ZNF878: variants seen among roughly 807,000 people sequenced by gnomAD.
ZNF878 encodes zinc finger protein 878.
In ZNF878, 10 loss-of-function variants were observed where a neutral mutation model predicts 11.1. The ratio of observed to expected loss-of-function variants is 0.90; its 90% CI spans 0.56 to 1.53. The LOEUF (loss-of-function observed/expected upper bound fraction) is 1.53. Ranked by LOEUF, ZNF878 falls within the 40% of genes most tolerant of loss-of-function variation. The probability of loss-of-function intolerance (pLI) is 0.00; values close to 1 mark genes in which losing one functional copy is unlikely to be tolerated. For missense variants in ZNF878, 548 were observed against 626.1 expected (o/e 0.88, Z 1.33); for synonymous variants, 165 against 209.7 (o/e 0.79, Z 1.84).
Position 12,043,911 on chromosome 19 carries a change from T to G in ZNF878, c.1490A>C (p.His497Pro), listed in dbSNP as rs779859071. ...TTTCTCTCCAGTATGAATCCTTTCA[T>G]GGTAGAGAAAAGAGTTGGAAGAAAT... Reference protein sequence around the residue: ...AFISSNSFLYHERIHTGEKPY... With the variant: ...AFISSNSFLYPERIHTGEKPY... The change falls in exon 4 of 4, where the codon CAT becomes CCT. Residue 497 changes from histidine (H) to proline (P), a missense_variant. Coordinates refer to ENST00000547628, the MANE Select transcript of ZNF878 (RefSeq NM_001080404.3). 1 of 1,614,152 alleles carries G rather than the reference T, an allele frequency of 6.2e-7. No homozygotes were observed. The highest frequency in any genetic ancestry group is 1.1e-5 in the South Asian group (1 of 91,072).
Position 12,043,858 on chromosome 19 carries a change from C to G in ZNF878, c.1543G>C (p.Ala515Pro). Residue 515 changes from alanine to proline, a missense_variant, in exon 4 of 4, where the codon GCC becomes CCC. Coordinates refer to ENST00000547628, the MANE Select transcript of ZNF878 (RefSeq NM_001080404.3). ...TGAAGGATTGAGGCAGATCTAAAGG[C>G]TTTACCACATTGCTTACACTCATAG... The part of the protein sequence containing the change: ...KPYECKQCGK[A>P]FRSASILQKH... 1 of 1,613,510 alleles carries G rather than the reference C, an allele frequency of 6.2e-7. No homozygotes were observed. Among genetic ancestry groups the G allele is most frequent in the Non-Finnish European group, 8.5e-7 (1 of 1,179,822 alleles).
chr19:12,052,034 A>T (rs911818808), intron 1 of ZNF878, among the ~76,000 whole-genome samples: 2 of 152,204 alleles, frequency 1.3e-5, no homozygotes, highest in Non-Finnish European at 1.5e-5. Context: ...AAAGCTTTAC[A>T]CACTCTCAAC....
intron 1 of ZNF878, among the ~76,000 whole-genome samples, chr19:12,048,989 AAAAATTAGCT>A (rs1975523399): frequency 1.3e-5 from 2 of 151,840 alleles, no homozygotes; most frequent in Admixed American, 1.3e-4. Flanking sequence ...CTAAAAATAT[AAAAATTAGCT>A]GGGTGTGGTG....
intron 1 of ZNF878, among the ~76,000 whole-genome samples, chr19:12,048,652 G>A (rs1254726260): frequency 6.7e-6 from 1 of 149,452 alleles, no homozygotes; most frequent in Non-Finnish European, 1.5e-5. Context: ...TGGCCAACCA[G>A]GTGAAACCAC....
At chr19:12,050,846 G>A (rs556761891) in intron 1 of ZNF878, among the ~76,000 whole-genome samples, 5 of 146,840 alleles carry the variant, frequency 3.4e-5, no homozygotes, top group East Asian at 2.1e-4. Flanking sequence ...TGTAATCCCA[G>A]CACTTTGGAA....
At chr19:12,049,302 A>G (rs1975527160) in intron 1 of ZNF878, among the ~76,000 whole-genome samples, 1 of 150,584 alleles carries the variant, frequency 6.6e-6, no homozygotes, top group Non-Finnish European at 1.5e-5. Flanking sequence ...CTCTACTAAA[A>G]ATACAAAAAT....
At chr19:12,047,739 C>T (rs1419309121) in intron 1 of ZNF878, among the ~76,000 whole-genome samples, 1 of 152,064 alleles carries the variant, frequency 6.6e-6, no homozygotes, top group East Asian at 1.9e-4. Flanking sequence ...GGGCAGATCA[C>T]CTGATGTCAG....
At position 12,052,960 on chromosome 19, in the gene ZNF878, G is replaced by A; in HGVS notation, c.-159C>T. The A allele has an allele frequency of 7.5e-7, 1 of 1,333,344 alleles. No homozygotes were observed. Among genetic ancestry groups the A allele is most frequent in the Non-Finnish European group, 1.0e-6 (1 of 986,700 alleles). The allele number at this position is 1,333,344 out of a possible 1,614,324, so 82.6% of individuals were successfully genotyped here. On this transcript the variant is annotated 5_prime_UTR_variant, in exon 1 of 4. Transcript: ENST00000547628. ...TTAACTAGCGCGAGCAGCCCTAGGA[G>A]TGAAGAGAGCGGGAATGCAACCTCC...
rs1261054332 is a variant in ZNF878 at position 12,044,257 on chromosome 19, A to C, written c.1144T>G (p.Phe382Val). Reference protein sequence around the residue: ...CGKTFTSSNSFHYHERTHTGE... With the variant: ...CGKTFTSSNSVHYHERTHTGE... ...GTGTGAGTCCTTTCATGATAGTGAAAGGAATTGGAAGAAGTGAAGGTTTTC... is the reference window on the plus strand; with the variant it reads ...GTGTGAGTCCTTTCATGATAGTGAACGGAATTGGAAGAAGTGAAGGTTTTC... The change falls in exon 4 of 4, where the codon TTT becomes GTT. Residue 382 changes from phenylalanine (F) to valine (V), a missense_variant. Physicochemically the swap from Phe to Val is conservative, Grantham distance 50 (BLOSUM62 -1). Around this residue, in one of 3 missense-constraint regions of ZNF878, gnomAD observed 335 missense variants for 358.2 expected, o/e 0.94. Coordinates refer to ENST00000547628, the MANE Select transcript of ZNF878 (RefSeq NM_001080404.3). 1.9e-6 allele frequency: 3 copies of C among 1,613,198 alleles called. No individual in the cohort carries two copies. The highest frequency in any genetic ancestry group is 2.5e-6 in the Non-Finnish European group (3 of 1,179,858).
chr19:12,051,131 A>C (rs1975547578), intron 1 of ZNF878, among the ~76,000 whole-genome samples: 1 of 147,206 alleles, frequency 6.8e-6, no homozygotes, highest in Non-Finnish European at 1.5e-5. Context: ...AAAGAAAAGA[A>C]ATTAAAACCC....
chr19:12,045,349 A>G (rs1975463744), intron 3 of ZNF878, 140 bp from the exon 4 acceptor site: 1 of 759,342 alleles, frequency 1.3e-6, no homozygotes, highest in Admixed American at 3.0e-5. Flanking sequence ...CACATGCTAT[A>G]CAAGATGGCC....
chr19:12,044,808 G>C lies in ZNF878; in HGVS notation c.593C>G (p.Pro198Arg), dbSNP rs751759732. The C allele has an allele frequency of 1.9e-6, 3 of 1,613,994 alleles. No individual in the cohort carries two copies. Among genetic ancestry groups the C allele is most frequent in the Admixed American group, 1.7e-5 (1 of 59,994 alleles). ...RHERIHSAKK[P>R]YECKQCGKAL... ...TTTCCCACACTGCTTACATTCATAG[G>C]GTTTTTTTGCAGAGTGGATTCTTTC... The change falls in exon 4 of 4, where the codon CCC (proline) becomes CGC (arginine). Residue 198 changes from proline (P) to arginine (R), a missense_variant. Coordinates refer to ENST00000547628, the MANE Select transcript of ZNF878 (RefSeq NM_001080404.3).
At position 12,045,184 on chromosome 19, in the gene ZNF878, C is replaced by T; in HGVS notation, c.217G>A (p.Glu73Lys). The T allele has an allele frequency of 1.2e-6, 2 of 1,609,568 alleles. No individual in the cohort carries two copies. The highest frequency in any genetic ancestry group is 8.5e-7 in the Non-Finnish European group (1 of 1,177,786). The change falls in exon 4 of 4, where the codon GAA becomes AAA. Residue 73 changes from glutamate to lysine, a missense_variant. Around this residue, in one of 3 missense-constraint regions of ZNF878, gnomAD observed 160 missense variants for 173.3 expected, o/e 0.92. Coordinates refer to ENST00000547628, the MANE Select transcript of ZNF878 (RefSeq NM_001080404.3). Reference sequence around the variant, plus strand: ...CCATGCTGATGACTTTCTTTACTTTCAGAGAGTCTCTCCCCTATAAGTCTT... The same window carrying T: ...CCATGCTGATGACTTTCTTTACTTTTAGAGAGTCTCTCCCCTATAAGTCTT... Reference protein sequence around the residue: ...LRRLIGERLSESKESHQHGEV... With the variant: ...LRRLIGERLSKSKESHQHGEV...
chr19:12,051,095 C>CA (rs370628123), intron 1 of ZNF878, among the ~76,000 whole-genome samples: 2,000 of 36,086 alleles, frequency 0.055, 57 homozygotes, highest in Non-Finnish European at 0.07. Context: ...GACTCCGTCT[C>CA]AAAAAAAAAA....
At chr19:12,051,420 C>A (rs185982187) in intron 1 of ZNF878, among the ~76,000 whole-genome samples, 3 of 151,202 alleles carry the variant, frequency 2.0e-5, no homozygotes, top group African/African-American at 7.3e-5. Context: ...AATTAAATTT[C>A]TTTGTTTTTT....
chr19:12,046,370 TAGG>T lies in ZNF878; in HGVS notation c.186_188del (p.Asn62_Leu63delinsLys). On this transcript the variant is annotated inframe_deletion, in exon 3 of 4. Transcript: ENST00000547628. The stretch of plus-strand genomic sequence containing the variant: ...TTTCTCTTTTAAGTGCCAGTTACCT[TAGG>T]TTTCTCCTAGGATTTTGGTGCTCAT... 1 of 1,567,640 alleles carries T rather than the reference TAGG, an allele frequency of 6.4e-7. No individual in the cohort carries two copies. The highest frequency in any genetic ancestry group is 1.4e-5 in the African/African-American group (1 of 73,882).
intron 1 of ZNF878, among the ~76,000 whole-genome samples, chr19:12,052,368 T>TAAAATA (rs1466457781): frequency 1.3e-5 from 2 of 152,208 alleles, no homozygotes; most frequent in African/African-American, 4.8e-5. Flanking sequence ...CGCTGTTTGC[T>TAAAATA]AAAATAAACT....
rs889933320 is a variant in ZNF878 at position 12,052,896 on chromosome 19, A to C, written c.-95T>G. 1.3e-6 allele frequency: 2 copies of C among 1,504,940 alleles called. No homozygotes were observed. Among genetic ancestry groups the C allele is most frequent in the Non-Finnish European group, 1.8e-6 (2 of 1,120,544 alleles). 93.2% of individuals were successfully genotyped at this position (1,504,940 alleles called of 1,614,324 possible). A position where few individuals can be genotyped will look rare whatever the true frequency, so the allele number is the denominator to read the frequency against. On this transcript the variant is annotated 5_prime_UTR_variant, in exon 1 of 4. Coordinates refer to ENST00000547628, the MANE Select transcript of ZNF878 (RefSeq NM_001080404.3). ...GACAGAGCAACAGCAGCTACGGCGG[A>C]AGTAACTGGTCCCTCTCGGAGCAAG...
Position 12,045,027 on chromosome 19 carries a change from C to A in ZNF878, c.374G>T (p.Ser125Ile), listed in dbSNP as rs562230913. The change falls in exon 4 of 4, where the codon AGT becomes ATT. Residue 125 changes from serine to isoleucine, a missense_variant. Around this residue, in one of 3 missense-constraint regions of ZNF878, gnomAD observed 160 missense variants for 173.3 expected, o/e 0.92. Transcript: ENST00000547628. ...SSLNRHLRAF[S>I]YSSSLAIHGR... ...ATGTATTGCAAGGCTACTGGAATAACTAAAGGCTCTGAGGTGCCTATTAAG... is the reference window on the plus strand; with the variant it reads ...ATGTATTGCAAGGCTACTGGAATAAATAAAGGCTCTGAGGTGCCTATTAAG... The A allele has an allele frequency of 2.5e-6, 4 of 1,614,094 alleles. No individual in the cohort carries two copies. In the South Asian group the frequency reaches 3.3e-5, roughly 13 times the overall value.
Sources: gnomAD v4.1 joint callset for allele counts (sites outside exome capture counted in the v4.1 genomes callset) on GRCh38, gnomAD v4.1.1 for gene constraint, gnomAD v4.1.1 regional missense constraint, MANE v1.5 for transcripts, NCBI Gene and HGNC (gene_info 2026-07-23, HGNC 2026-07-21) for gene names.